Variants in CUL2 observed in about 807,000 individuals in gnomAD.
The protein encoded by CUL2 is cullin 2, also known as cullin-2.
CUL2 carries 22 observed loss-of-function variants against 110.2 expected under a neutral mutation model. The observed-to-expected ratio is 0.20, with a 90% CI of 0.14 to 0.28. The LOEUF (loss-of-function observed/expected upper bound fraction) is 0.28, where lower values mean the gene tolerates loss of function less well. Among genes scored for constraint, CUL2 ranks in the 10% least tolerant of loss-of-function variants. CUL2 has a pLI of 1.00. For synonymous variants in CUL2, 279 were observed against 293.2 expected (o/e 0.95, Z 0.49); for missense variants, 631 against 905.5 (o/e 0.70, Z 3.89).
intron 1 of CUL2, among the ~76,000 whole-genome samples, chr10:35,105,287 G>T (rs1341611528): frequency 5.3e-5 from 8 of 151,848 alleles, no homozygotes; most frequent in Non-Finnish European, 1.0e-4. Flanking sequence ...TTAGCCGGGC[G>T]TGGTGGCCGG....
At chr10:35,061,468 A>G (rs75282588) in intron 3 of CUL2, among the ~76,000 whole-genome samples, 2 of 152,042 alleles carry the variant, frequency 1.3e-5, no homozygotes, top group Non-Finnish European at 2.9e-5. Context: ...TCCCAAAAAA[A>G]AAAAAAAAAA....
chr10:35,061,066 A>G, intron 3 of CUL2, 98 bp from the exon 4 acceptor site: 1 of 1,288,856 alleles, frequency 7.8e-7, no homozygotes, highest in Non-Finnish European at 1.1e-6. Context: ...AATAATTTAC[A>G]TAATTCTAGC....
rs888265098 is a variant in CUL2, at chr10:35,058,047, A to C, written c.317+2827T>G. On this transcript the variant is annotated intron_variant, in intron 4 of 20. Coordinates refer to ENST00000374749, the MANE Select transcript of CUL2 (RefSeq NM_003591.4). ...TGGGAGGCGGATGCTGCAGTGAGCC[A>C]AGATTGTGCCACTGCACTCCAGCCG... is the stretch of plus-strand genomic sequence containing the variant. Among the ~76,000 whole-genome samples, 6 of 151,740 alleles carry C rather than the reference A, an allele frequency of 4.0e-5. No homozygotes were observed. In the South Asian group the frequency reaches 6.3e-4, roughly 16 times the overall value.
chr10:35,030,076 C>A (rs1357883628), intron 14 of CUL2, among the ~76,000 whole-genome samples: 1 of 152,206 alleles, frequency 6.6e-6, no homozygotes, highest in Non-Finnish European at 1.5e-5. Context: ...CAACTTCGAA[C>A]ACCTGGGCTC....
At position 35,027,183 on chromosome 10, in the gene CUL2, C is replaced by T. The variant is rs1296560472; in HGVS notation, c.1617+1627G>A. ...TTTTTGAGGCGGAGTCTCGCTCTAT[C>T]ACCCAGGCTAAAGTGCAGTGGCGCA... On this transcript the variant is annotated intron_variant, in intron 16 of 20. Coordinates refer to ENST00000374749, the MANE Select transcript of CUL2 (RefSeq NM_003591.4). Among the ~76,000 whole-genome samples the T allele has an allele frequency of 2.1e-5, 3 of 143,104 alleles. No individual in the cohort carries two copies. The East Asian group carries it at 6.2e-4, about 30-fold the overall frequency. 93.9% of individuals were successfully genotyped at this position (143,104 alleles called of 152,430 possible).
In CUL2 at chr10:35,009,316, A is replaced by G. The variant is rs1431001242; in HGVS notation, c.*995T>C. 2.0e-5 allele frequency: 3 copies of G among 151,684 alleles called. No individual in the cohort carries two copies. Among genetic ancestry groups the G allele is most frequent in the Admixed American group, 1.3e-4 (2 of 15,182 alleles). The allele number at this position is 151,684 out of a possible 1,614,324, so 9.4% of individuals were successfully genotyped here. A position where few individuals can be genotyped will look rare whatever the true frequency, so the allele number is the denominator to read the frequency against. On this transcript the variant is annotated 3_prime_UTR_variant, in exon 21 of 21. Transcript: ENST00000374749. ...GTATTTAGGTTATGCATTGCTAAGC[A>G]CATCTGTGATTGATGAGAGTGACTC...
At chr10:35,052,894 C>CAA (rs1017728475) in intron 5 of CUL2, among the ~76,000 whole-genome samples, 1 of 68,836 alleles carries the variant, frequency 1.5e-5, no homozygotes, top group African/African-American at 5.4e-5. Flanking sequence ...GACTCCGTCT[C>CAA]AAAAAAAAAA....
intron 1 of CUL2, among the ~76,000 whole-genome samples, chr10:35,110,144 A>G (rs2087508303): frequency 6.6e-6 from 1 of 152,202 alleles, no homozygotes; most frequent in Non-Finnish European, 1.5e-5. Context: ...ATTGCAACAC[A>G]GCAAGATTCT....
intron 1 of CUL2, among the ~76,000 whole-genome samples, chr10:35,119,051 TA>T (rs2087642649): frequency 6.6e-6 from 1 of 152,230 alleles, no homozygotes; most frequent in African/African-American, 2.4e-5. Context: ...ACCTACTCCT[TA>T]AAGGTTGATG....
chr10:35,047,503 G>C (rs1312519705), intron 6 of CUL2, among the ~76,000 whole-genome samples: 1 of 151,540 alleles, frequency 6.6e-6, no homozygotes, highest in Non-Finnish European at 1.5e-5. Context: ...CCAGCTACTC[G>C]GGAGGCTGAG....
At chr10:35,066,964 T>C (rs2086544337) in intron 2 of CUL2, among the ~76,000 whole-genome samples, 1 of 152,060 alleles carries the variant, frequency 6.6e-6, no homozygotes, top group Non-Finnish European at 1.5e-5. Flanking sequence ...AACTGGTCTA[T>C]GTTTGAAAGA....
chr10:35,058,389 C>T (rs183963825), intron 4 of CUL2, among the ~76,000 whole-genome samples: 15 of 152,216 alleles, frequency 9.9e-5, no homozygotes, highest in Admixed American at 3.9e-4. Context: ...ATGACTAACC[C>T]GCCTCAAAAA....
chr10:35,067,353 A>G (rs1485925772), intron 2 of CUL2, among the ~76,000 whole-genome samples: 1 of 152,132 alleles, frequency 6.6e-6, no homozygotes, highest in Non-Finnish European at 1.5e-5. Context: ...CTGGAATGGA[A>G]ATCTGTCCTA....
chr10:35,086,097 G>C (rs1045738755), intron 1 of CUL2, among the ~76,000 whole-genome samples: 5 of 152,048 alleles, frequency 3.3e-5, no homozygotes, highest in Admixed American at 3.3e-4. Context: ...AGCTGAGAGT[G>C]GTGGAGGGCG....
intron 1 of CUL2, among the ~76,000 whole-genome samples, chr10:35,073,475 T>C (rs1040655933): frequency 6.6e-5 from 10 of 152,180 alleles, no homozygotes; most frequent in Non-Finnish European, 1.2e-4. Flanking sequence ...AATATTTACA[T>C]TGTGTATACT....
chr10:35,085,724 A>T lies in CUL2; in HGVS notation c.-23+4455T>A, dbSNP rs569576520. On this transcript the variant is annotated intron_variant, in intron 1 of 20. Coordinates refer to ENST00000374749, the MANE Select transcript of CUL2 (RefSeq NM_003591.4). ...AAAAAAAAAAAAAAAAAAAACTGAT[A>T]GTGCATATGAAACATTGCTTTCAAT... Among the ~76,000 whole-genome samples the T allele has an allele frequency of 9.9e-5, 15 of 151,532 alleles. No homozygotes were observed. The East Asian group carries it at 2.7e-3, about 27-fold the overall frequency.
chr10:35,116,820 G>A (rs553945510), intron 1 of CUL2, among the ~76,000 whole-genome samples: 1 of 152,100 alleles, frequency 6.6e-6, no homozygotes, highest in Non-Finnish European at 1.5e-5. Context: ...AGCTGGGCGT[G>A]GTGGCGCACG....
At chr10:35,098,359 T>C (rs187909622) in intron 2 of CUL2, among the ~76,000 whole-genome samples, 1 of 152,252 alleles carries the variant, frequency 6.6e-6, no homozygotes, top group East Asian at 1.9e-4. Flanking sequence ...ATCTGGGTAA[T>C]GGATTGCAAG....
In CUL2 at chr10:35,010,200, AG is replaced by A. The variant is rs2084864618; in HGVS notation, c.*110del. 1 of 1,168,982 alleles carries A rather than the reference AG, an allele frequency of 8.6e-7. No homozygotes were observed. The allele number at this position is 1,168,982 out of a possible 1,614,324, so 72.4% of individuals were successfully genotyped here. On this transcript the variant is annotated 3_prime_UTR_variant, in exon 21 of 21. Transcript: ENST00000374749. ...GGTGATGTTGTAAACAGCAGAAAAC[AG>A]GGGCTGCCAAATGACCAAATTATGG...
Sources: gnomAD v4.1 joint callset for allele counts (sites outside exome capture counted in the v4.1 genomes callset) on GRCh38, gnomAD v4.1.1 for gene constraint, MANE v1.5 for transcripts, NCBI Gene and HGNC (gene_info 2026-07-23, HGNC 2026-07-21) for gene names.